The following AKAP6 variants were observed in gnomAD, a reference collection of about 807,000 sequenced individuals.
AKAP6 encodes A-kinase anchor protein 6.
In AKAP6, 58 loss-of-function variants were observed where a neutral mutation model predicts 188.5. The observed-to-expected ratio is 0.31, with a 90% CI of 0.25 to 0.38. The LOEUF is 0.38. AKAP6 is among the 10% of genes least tolerant of loss of function. The probability of loss-of-function intolerance (pLI) is 1.00; values close to 1 mark genes in which losing one functional copy is unlikely to be tolerated. For synonymous variants in AKAP6, 989 were observed against 998.6 expected (o/e 0.99, Z 0.18); for missense variants, 2,710 against 2,740.0 (o/e 0.99, Z 0.24).
Position 32,811,241 on chromosome 14 carries a change from G to GAAAAAAAAAAAAAAAA in AKAP6, c.3589-10146_3589-10145insAAAAAAAAAAAAAAAA, listed in dbSNP as rs529886144. Among the ~76,000 whole-genome samples, 83 of 55,556 alleles carry GAAAAAAAAAAAAAAAA rather than the reference G, an allele frequency of 1.5e-3. 6 individuals are homozygous for GAAAAAAAAAAAAAAAA. Among genetic ancestry groups the GAAAAAAAAAAAAAAAA allele is most frequent in the Non-Finnish European group, 2.0e-3 (52 of 26,546 alleles). The allele number at this position is 55,556 out of a possible 152,430, so 36.4% of individuals were successfully genotyped here. On this transcript the variant is annotated intron_variant, in intron 12 of 13. Transcript: ENST00000280979. ...GTGACAGAGCGAGACTCCGTCTCAG[G>GAAAAAAAAAAAAAAAA]AAAAAAAAAAAAAAAGTTGAAAAAC...
chr14:32,581,873 T>A (rs1237817322), intron 5 of AKAP6, among the ~76,000 whole-genome samples: 1 of 152,226 alleles, frequency 6.6e-6, no homozygotes. Flanking sequence ...CCTTTTATTT[T>A]GAGCCTATGT....
intron 8 of AKAP6, among the ~76,000 whole-genome samples, chr14:32,678,940 A>G (rs1479700271): frequency 3.3e-5 from 5 of 152,206 alleles, no homozygotes; most frequent in South Asian, 4.1e-4. Context: ...CATGAAGTCA[A>G]TTGGAATAGA....
intron 9 of AKAP6, among the ~76,000 whole-genome samples, chr14:32,698,652 A>T (rs2139705395): frequency 6.6e-6 from 1 of 152,266 alleles, no homozygotes; most frequent in African/African-American, 2.4e-5. Flanking sequence ...AGCATTTCCC[A>T]GTCCATCTCA....
rs1886125249 is a variant in AKAP6, at chr14:32,606,349, A to G, written c.2730+5557A>G. ...ATTTTTTTGACCTTTCAAGGCAAAA[A>G]ACAAAAAATCTGAAAGCAAGAAAGC... On this transcript the variant is annotated intron_variant, in intron 7 of 13. Transcript: ENST00000280979. Among the ~76,000 whole-genome samples the G allele has an allele frequency of 2.6e-5, 4 of 152,272 alleles. No individual in the cohort carries two copies. The South Asian group carries it at 8.3e-4, about 32-fold the overall frequency.
intron 9 of AKAP6, among the ~76,000 whole-genome samples, chr14:32,708,475 G>A (rs1412372893): frequency 6.6e-6 from 1 of 151,972 alleles, no homozygotes; most frequent in Non-Finnish European, 1.5e-5. Flanking sequence ...CAAAGCCGTA[G>A]CTAGCTAATT....
At chr14:32,611,242 T>C (rs1475103659) in intron 7 of AKAP6, among the ~76,000 whole-genome samples, 2 of 152,154 alleles carry the variant, frequency 1.3e-5, no homozygotes, top group Non-Finnish European at 2.9e-5. Flanking sequence ...CACATTATGA[T>C]AAGGAATAGC....
intron 12 of AKAP6, among the ~76,000 whole-genome samples, chr14:32,782,860 A>C (rs886152969): frequency 6.6e-6 from 1 of 151,742 alleles, no homozygotes; most frequent in Non-Finnish European, 1.5e-5. Flanking sequence ...TGTAATCCCA[A>C]TGAAAATCTC....
At chr14:32,496,416 A>G (rs993303204) in intron 2 of AKAP6, among the ~76,000 whole-genome samples, 3 of 152,100 alleles carry the variant, frequency 2.0e-5, no homozygotes, top group African/African-American at 4.8e-5. Flanking sequence ...GTACATGTGT[A>G]TATATATGTA....
chr14:32,389,977 A>T (rs1363715028), intron 1 of AKAP6, among the ~76,000 whole-genome samples: 2 of 152,074 alleles, frequency 1.3e-5, no homozygotes, highest in Admixed American at 1.3e-4. Context: ...TCTCAGGAAC[A>T]TCAATTATTC....
chr14:32,796,076 G>C (rs984577062), intron 12 of AKAP6, among the ~76,000 whole-genome samples: 1 of 152,024 alleles, frequency 6.6e-6, no homozygotes, highest in Non-Finnish European at 1.5e-5. Flanking sequence ...AGCTAACAAG[G>C]GAAGTGAAAG....
intron 2 of AKAP6, among the ~76,000 whole-genome samples, chr14:32,526,229 T>C (rs780176017): frequency 1.3e-5 from 2 of 151,886 alleles, no homozygotes; most frequent in Non-Finnish European, 2.9e-5. Flanking sequence ...CAGGTCTGGA[T>C]AATTTTTTTA....
intron 9 of AKAP6, among the ~76,000 whole-genome samples, chr14:32,707,805 A>G (rs1890874941): frequency 6.6e-6 from 1 of 152,078 alleles, no homozygotes; most frequent in Non-Finnish European, 1.5e-5. Context: ...ATGTTCTTTT[A>G]TATATAAAAC....
At position 32,735,869 on chromosome 14, in the gene AKAP6, T is replaced by C; in HGVS notation, c.3359T>C (p.Leu1120Pro). ...GGAACAATGAATACTGAGAAACAACTGCAATACTTTAAGGTAATAAAAAAA... is the reference window on the plus strand; with the variant it reads ...GGAACAATGAATACTGAGAAACAACCGCAATACTTTAAGGTAATAAAAAAA... ...KEGTMNTEKQLQYFKSLCREI... is the reference protein window; with the variant it reads ...KEGTMNTEKQPQYFKSLCREI... The change falls in exon 11 of 14, where the codon CTG becomes CCG. Residue 1120 changes from leucine (L) to proline (P), a missense_variant. By Grantham distance (98) the Leu-to-Pro change is moderately conservative. Around this residue, in one of 2 missense-constraint regions of AKAP6, gnomAD observed 2,473 missense variants for 2,426.1 expected, o/e 1.02. Coordinates refer to ENST00000280979, the MANE Select transcript of AKAP6 (RefSeq NM_004274.5). 1 of 1,604,578 alleles carries C rather than the reference T, an allele frequency of 6.2e-7. No homozygotes were observed. Among genetic ancestry groups the C allele is most frequent in the South Asian group, 1.1e-5 (1 of 89,590 alleles).
chr14:32,675,414 A>G (rs1889385212), intron 7 of AKAP6, among the ~76,000 whole-genome samples: 1 of 152,210 alleles, frequency 6.6e-6, no homozygotes, highest in African/African-American at 2.4e-5. Flanking sequence ...TAAAGTATCC[A>G]TTGTTATAGA....
intron 5 of AKAP6, among the ~76,000 whole-genome samples, chr14:32,578,567 G>A (rs1278168061): frequency 2.0e-5 from 3 of 152,078 alleles, no homozygotes; most frequent in Non-Finnish European, 4.4e-5. Context: ...AGTGCTTTAT[G>A]ATGTAAATTG....
Position 32,832,880 on chromosome 14 carries a change from C to T in AKAP6, c.*3075C>T, listed in dbSNP as rs1257250081. On this transcript the variant is annotated 3_prime_UTR_variant, in exon 14 of 14. Transcript: ENST00000280979. ...ACTGCCCTTCATATGTCATGGTTTT[C>T]AGATCCATTCCAACCTGACTGAATG... is the stretch of plus-strand genomic sequence containing the variant. 1 of 152,634 alleles carries T rather than the reference C, an allele frequency of 6.6e-6. No homozygotes were observed. Among genetic ancestry groups the T allele is most frequent in the Non-Finnish European group, 1.5e-5 (1 of 68,052 alleles). The allele number at this position is 152,634 out of a possible 1,614,324, so 9.5% of individuals were successfully genotyped here.
chr14:32,578,635 G>A (rs1369046976), intron 5 of AKAP6, among the ~76,000 whole-genome samples: 1 of 152,140 alleles, frequency 6.6e-6, no homozygotes, highest in Admixed American at 6.5e-5. Flanking sequence ...TCTAATCTGT[G>A]TTTAAACAGG....
At chr14:32,810,960 C>T (rs775905016) in intron 12 of AKAP6, among the ~76,000 whole-genome samples, 3 of 152,082 alleles carry the variant, frequency 2.0e-5, no homozygotes, top group Non-Finnish European at 4.4e-5. Context: ...AAGAGATTGG[C>T]TGGGTGCGGT....
chr14:32,594,398 T>G (rs1248869063), intron 5 of AKAP6, among the ~76,000 whole-genome samples: 5 of 152,232 alleles, frequency 3.3e-5, no homozygotes, highest in African/African-American at 1.2e-4. Flanking sequence ...TCTATGTATT[T>G]TCCATATGAT....
Sources: gnomAD v4.1 joint callset for allele counts (sites outside exome capture counted in the v4.1 genomes callset) on GRCh38, gnomAD v4.1.1 for gene constraint, gnomAD v4.1.1 regional missense constraint, MANE v1.5 for transcripts, NCBI Gene and HGNC (gene_info 2026-07-23, HGNC 2026-07-21) for gene names.